Variants in CAMK2D observed in about 807,000 individuals in gnomAD.
CAMK2D encodes calcium/calmodulin dependent protein kinase II delta, also known as calcium/calmodulin-dependent protein kinase type II subunit delta.
A neutral mutation model predicts 84.0 loss-of-function variants in CAMK2D; 37 were observed. The ratio of observed to expected loss-of-function variants is 0.44; its 90% CI spans 0.34 to 0.58. The LOEUF (loss-of-function observed/expected upper bound fraction) is 0.58. Among genes scored for constraint, CAMK2D ranks in the 20% least tolerant of loss-of-function variants. The pLI, the probability that CAMK2D is intolerant of heterozygous loss-of-function variation, is 0.02. For synonymous variants in CAMK2D, 202 were observed against 212.5 expected (o/e 0.95, Z 0.43); for missense variants, 448 against 652.5 (o/e 0.69, Z 3.41).
At chr4:113,508,342 G>C (rs975281513) in intron 13 of CAMK2D, 6 of 1,091,038 alleles carry the variant, frequency 5.5e-6, no homozygotes, top group African/African-American at 4.7e-5. Flanking sequence ...TCAAAGCATG[G>C]AGTATAGAAT....
At chr4:113,582,738 CATGTA>C (rs912718548) in intron 4 of CAMK2D, among the ~76,000 whole-genome samples, 3 of 152,110 alleles carry the variant, frequency 2.0e-5, no homozygotes, top group African/African-American at 7.2e-5. Flanking sequence ...CTTCATGAAA[CATGTA>C]ATGTATAAGG....
intron 16 of CAMK2D, among the ~76,000 whole-genome samples, chr4:113,492,082 C>G (rs2097852085): frequency 6.6e-6 from 1 of 151,940 alleles, no homozygotes; most frequent in African/African-American, 2.4e-5. Context: ...TTGATCCTTT[C>G]AAAAAACCAG....
intron 4 of CAMK2D, among the ~76,000 whole-genome samples, chr4:113,592,141 G>A (rs571110148): frequency 6.6e-6 from 1 of 152,240 alleles, no homozygotes; most frequent in South Asian, 2.1e-4. Flanking sequence ...TTAACTGCAA[G>A]CCGACAGCAG....
At chr4:113,537,569 G>A in intron 6 of CAMK2D, 126 bp from the exon 7 acceptor site, 1 of 624,074 alleles carries the variant, frequency 1.6e-6, no homozygotes. Flanking sequence ...CCTGGAGACT[G>A]CCATTCCTAA....
At chr4:113,641,836 C>T (rs1472172519) in intron 3 of CAMK2D, among the ~76,000 whole-genome samples, 1 of 151,614 alleles carries the variant, frequency 6.6e-6, no homozygotes, top group East Asian at 1.9e-4. Flanking sequence ...GGAGAAACCC[C>T]GTGTCTCTAC....
chr4:113,558,122 C>T (rs2098677879), intron 4 of CAMK2D, among the ~76,000 whole-genome samples: 1 of 152,134 alleles, frequency 6.6e-6, no homozygotes. Context: ...AATAATCTCC[C>T]ATTAAAGTAG....
At chr4:113,558,292 G>A (rs2098679091) in intron 4 of CAMK2D, among the ~76,000 whole-genome samples, 1 of 152,166 alleles carries the variant, frequency 6.6e-6, no homozygotes, top group South Asian at 2.1e-4. Context: ...TTTCATATAT[G>A]TATAGTAACT....
At chr4:113,532,632 A>AGTT (rs1202577695) in intron 7 of CAMK2D, among the ~76,000 whole-genome samples, 1 of 152,188 alleles carries the variant, frequency 6.6e-6, no homozygotes, top group African/African-American at 2.4e-5. Context: ...ACTTCTCTAG[A>AGTT]GTTGACAGGC....
At position 113,489,141 on chromosome 4, in the gene CAMK2D, CT is replaced by C. The variant is rs372210662; in HGVS notation, c.1135+11321del. 1.2e-3 allele frequency among the ~76,000 whole-genome samples: 180 copies of C among 150,184 alleles called. 4 individuals carry two copies. Among genetic ancestry groups the C allele is most frequent in the Middle Eastern group, 3.4e-3 (1 of 294 alleles). On this transcript the variant is annotated intron_variant, in intron 16 of 20. Transcript: ENST00000511664. ...GTAGTATATGCGGACAGTAATTTTT[CT>C]TTTTTTTTTATTATACTTTAAGTTT...
Position 113,732,508 on chromosome 4 carries a change from T to C in CAMK2D, c.160+26812A>G, listed in dbSNP as rs17636449. On this transcript the variant is annotated intron_variant, in intron 2 of 20. Transcript: ENST00000511664. ...ATATTATTGGTTGAGCTGTTATGAA[T>C]TCAGTAAAACTTTTAAACAAATTTG... Among the ~76,000 whole-genome samples the C allele has an allele frequency of 0.015, 2,235 of 152,304 alleles. 90 individuals are homozygous for C. In the East Asian group the frequency reaches 0.15, roughly 10 times the overall value.
chr4:113,611,426 T>A (rs2098999944), intron 3 of CAMK2D, among the ~76,000 whole-genome samples: 1 of 152,138 alleles, frequency 6.6e-6, no homozygotes, highest in African/African-American at 2.4e-5. Context: ...ATAAGATGGG[T>A]TCCCATGTTA....
At chr4:113,635,673 T>C (rs2099107299) in intron 3 of CAMK2D, among the ~76,000 whole-genome samples, 1 of 152,200 alleles carries the variant, frequency 6.6e-6, no homozygotes, top group Non-Finnish European at 1.5e-5. Flanking sequence ...GTGGGCATAA[T>C]GTGAATTAGG....
At chr4:113,506,979 C>G (rs898629176) in intron 13 of CAMK2D, among the ~76,000 whole-genome samples, 3 of 152,002 alleles carry the variant, frequency 2.0e-5, no homozygotes, top group South Asian at 2.1e-4. Flanking sequence ...GAAGGCCATT[C>G]TGTCTGGGTG....
At chr4:113,543,260 G>T (rs1157345348) in intron 6 of CAMK2D, among the ~76,000 whole-genome samples, 1 of 152,066 alleles carries the variant, frequency 6.6e-6, no homozygotes, top group Non-Finnish European at 1.5e-5. Context: ...ATTAAAAATT[G>T]TCATTTGTTA....
chr4:113,537,567 C>A (rs1185750150), intron 6 of CAMK2D, 124 bp from the exon 7 acceptor site: 2 of 626,638 alleles, frequency 3.2e-6, no homozygotes, highest in African/African-American at 1.8e-5. Context: ...TTCCTGGAGA[C>A]TGCCATTCCT....
At chr4:113,507,571 T>C (rs552628114) in intron 13 of CAMK2D, among the ~76,000 whole-genome samples, 17 of 152,134 alleles carry the variant, frequency 1.1e-4, no homozygotes, top group Admixed American at 4.6e-4. Context: ...TCCTGGCCCA[T>C]AGATGTCTTT....
At chr4:113,600,255 C>A (rs1261524231) in intron 4 of CAMK2D, among the ~76,000 whole-genome samples, 1 of 152,064 alleles carries the variant, frequency 6.6e-6, no homozygotes, top group East Asian at 1.9e-4. Flanking sequence ...ATGTAAAACA[C>A]CAAGAGTGAA....
At chr4:113,500,984 C>T (rs531035027) in intron 15 of CAMK2D, among the ~76,000 whole-genome samples, 1 of 152,074 alleles carries the variant, frequency 6.6e-6, no homozygotes, top group South Asian at 2.1e-4. Context: ...TGCCTTACAC[C>T]TTTATAGGGA....
intron 16 of CAMK2D, among the ~76,000 whole-genome samples, chr4:113,466,635 C>T (rs1482144323): frequency 6.6e-6 from 1 of 152,094 alleles, no homozygotes; most frequent in Non-Finnish European, 1.5e-5. Context: ...TGAAAGCCTC[C>T]AGGTATAGCT....
Sources: allele counts gnomAD v4.1 joint callset (sites outside exome capture counted in the v4.1 genomes callset), GRCh38; gene constraint gnomAD v4.1.1; transcripts MANE v1.5; gene names NCBI Gene and HGNC (gene_info 2026-07-23, HGNC 2026-07-21).